Variants in CRYBG3 observed in about 807,000 individuals in gnomAD.
The protein encoded by CRYBG3 is crystallin beta-gamma domain containing 3.
A neutral mutation model predicts 244.2 loss-of-function variants in CRYBG3; 127 were observed. The observed-to-expected ratio is 0.52, with a 90% CI of 0.45 to 0.60. The LOEUF (loss-of-function observed/expected upper bound fraction) is 0.60. Among genes scored for constraint, CRYBG3 ranks in the 20% least tolerant of loss-of-function variants. The pLI is 0.00. For missense variants in CRYBG3, 3,325 were observed against 3,442.5 expected, an observed-to-expected ratio of 0.97 and a Z score of 0.85; for synonymous variants, 1,132 against 1,195.8, an observed-to-expected ratio of 0.95 and a Z score of 1.10.
At chr3:97,893,627 T>G (rs1420055464) in intron 11 of CRYBG3, among the ~76,000 whole-genome samples, 1 of 152,236 alleles carries the variant, frequency 6.6e-6, no homozygotes, top group African/African-American at 2.4e-5. Context: ...AAGAAGAAAC[T>G]GTCCTCATTG....
chr3:97,850,183 C>T (rs973508855), intron 2 of CRYBG3, among the ~76,000 whole-genome samples: 2 of 152,122 alleles, frequency 1.3e-5, no homozygotes, highest in Non-Finnish European at 2.9e-5. Context: ...AGTGTTTTAT[C>T]TCCCTTCCCA....
intron 15 of CRYBG3, among the ~76,000 whole-genome samples, chr3:97,910,349 G>C (rs979439154): frequency 4.6e-5 from 7 of 152,278 alleles, no homozygotes; most frequent in East Asian, 3.9e-4. Flanking sequence ...CCCCCAGCCT[G>C]GCTGCCGCCT....
intron 13 of CRYBG3, 41 bp from the exon 14 acceptor site, chr3:97,899,096 A>G: frequency 6.2e-7 from 1 of 1,600,338 alleles, no homozygotes; most frequent in Non-Finnish European, 8.5e-7. Flanking sequence ...ATTGTATATC[A>G]CTTGTTTTTA....
intron 15 of CRYBG3, among the ~76,000 whole-genome samples, chr3:97,911,371 T>C (rs2108250152): frequency 6.6e-6 from 1 of 152,288 alleles, no homozygotes; most frequent in East Asian, 1.9e-4. Context: ...TCATTCCTAT[T>C]GTAGATTCAA....
chr3:97,932,945 A>T (rs779233829), intron 17 of CRYBG3, among the ~76,000 whole-genome samples: 3 of 152,036 alleles, frequency 2.0e-5, no homozygotes, highest in African/African-American at 7.2e-5. Context: ...CTAGCTTTCT[A>T]CTGAGGACTC....
chr3:97,890,660 T>C (rs1442119698), intron 10 of CRYBG3, among the ~76,000 whole-genome samples: 2 of 152,200 alleles, frequency 1.3e-5, no homozygotes, highest in Admixed American at 6.6e-5. Context: ...ATTGGTACTA[T>C]ATATTGTTTC....
At chr3:97,825,370 T>C (rs1054059726) in intron 1 of CRYBG3, among the ~76,000 whole-genome samples, 1 of 152,222 alleles carries the variant, frequency 6.6e-6, no homozygotes, top group Non-Finnish European at 1.5e-5. Flanking sequence ...GCAATGTTTG[T>C]AACTGTGAAG....
At chr3:97,918,930 C>T (rs1462153932) in intron 17 of CRYBG3, among the ~76,000 whole-genome samples, 3 of 152,126 alleles carry the variant, frequency 2.0e-5, no homozygotes, top group Non-Finnish European at 4.4e-5. Context: ...ATTCTGTTTC[C>T]AAAAGCAAGT....
At chr3:97,896,603 G>A (rs12631811) in intron 12 of CRYBG3, among the ~76,000 whole-genome samples, 1 of 152,216 alleles carries the variant, frequency 6.6e-6, no homozygotes, top group African/African-American at 2.4e-5. Context: ...TGCCTGTTTA[G>A]CAAGAGATTA....
rs1476595709 is a variant in CRYBG3, at chr3:97,874,061, T to C, written c.2867T>C (p.Met956Thr). Reference protein sequence around the residue: ...PIHDEKISRQMAQNCEAHTCV... With the variant: ...PIHDEKISRQTAQNCEAHTCV... ...CATGATGAAAAAATCAGTAGGCAAA[T>C]GGCGCAGAATTGTGAAGCTCACACT... is the stretch of plus-strand genomic sequence containing the variant. The change falls in exon 4 of 22, where the codon ATG becomes ACG. Residue 956 changes from methionine to threonine, a missense_variant. Physicochemically the swap from Met to Thr is moderately conservative, Grantham distance 81. Coordinates refer to ENST00000389622, the MANE Select transcript of CRYBG3 (RefSeq NM_153605.4). The C allele has an allele frequency of 2.0e-6, 3 of 1,535,862 alleles. No individual in the cohort carries two copies. The highest frequency in any genetic ancestry group is 2.0e-5 in the Admixed American group (1 of 50,962).
At chr3:97,834,417 G>T (rs1506442) in intron 1 of CRYBG3, among the ~76,000 whole-genome samples, 115,810 of 152,088 alleles carry the variant, frequency 0.76, 44,599 homozygotes, top group East Asian at 0.85. Flanking sequence ...AGAAGATATA[G>T]TAGAAATTTT....
At chr3:97,900,885 C>A (rs2108240765) in intron 15 of CRYBG3, among the ~76,000 whole-genome samples, 1 of 152,252 alleles carries the variant, frequency 6.6e-6, no homozygotes, top group Admixed American at 6.5e-5. Flanking sequence ...TTTCTAATAC[C>A]TATAATCAAA....
intron 7 of CRYBG3, among the ~76,000 whole-genome samples, chr3:97,883,989 A>G (rs1252443166): frequency 2.0e-5 from 3 of 152,200 alleles, no homozygotes; most frequent in East Asian, 3.8e-4. Context: ...TTCACTTTAG[A>G]GTACACCACC....
At position 97,875,406 on chromosome 3, in the gene CRYBG3, C is replaced by A; in HGVS notation, c.4212C>A (p.Ser1404=). Reference sequence around the variant, plus strand: ...GAGAAATTGTTCTCTACCAAAAATCCCTATTTTCTGGAAATGGATCTGGAC... The same window carrying A: ...GAGAAATTGTTCTCTACCAAAAATCACTATTTTCTGGAAATGGATCTGGAC... ...KGGEIVLYQK[S]LFSGNGSGLS... Residue 1404 remains serine (S), a synonymous_variant, in exon 4 of 22, where the codon TCC becomes TCA. Coordinates refer to ENST00000389622, the MANE Select transcript of CRYBG3 (RefSeq NM_153605.4). 3.6e-6 allele frequency: 5 copies of A among 1,407,556 alleles called. No homozygotes were observed. The highest frequency in any genetic ancestry group is 4.6e-6 in the Non-Finnish European group (5 of 1,089,080). The allele number at this position is 1,407,556 out of a possible 1,614,324, so 87.2% of individuals were successfully genotyped here. A position where few individuals can be genotyped will look rare whatever the true frequency, so the allele number is the denominator to read the frequency against.
chr3:97,833,593 T>C (rs575301916), intron 1 of CRYBG3, among the ~76,000 whole-genome samples: 1 of 152,078 alleles, frequency 6.6e-6, no homozygotes, highest in South Asian at 2.1e-4. Context: ...AGGGGAGGGA[T>C]AGCATTAGGA....
chr3:97,920,882 A>G (rs1397443662), intron 17 of CRYBG3, among the ~76,000 whole-genome samples: 1 of 152,146 alleles, frequency 6.6e-6, no homozygotes, highest in East Asian at 1.9e-4. Context: ...GTCATGACTA[A>G]GTTTAGAGCC....
chr3:97,826,427 C>A (rs770296048), intron 1 of CRYBG3, among the ~76,000 whole-genome samples: 2 of 151,790 alleles, frequency 1.3e-5, no homozygotes, highest in African/African-American at 4.8e-5. Flanking sequence ...CTCATAACAG[C>A]GGAAAATATG....
chr3:97,847,400 A>G (rs1050244771), intron 2 of CRYBG3, among the ~76,000 whole-genome samples: 3 of 152,232 alleles, frequency 2.0e-5, no homozygotes, highest in African/African-American at 7.2e-5. Flanking sequence ...CTTTGTGTGT[A>G]GTTGAAAAAA....
chr3:97,872,009 G>A lies in CRYBG3; in HGVS notation c.815G>A (p.Gly272Glu), dbSNP rs1391926339. Reference protein sequence around the residue: ...DSSTNRHIDPGSEIEAGVLPL... With the variant: ...DSSTNRHIDPESEIEAGVLPL... ...AGTACAAACAGACACATTGACCCTG[G>A]AAGTGAGATTGAGGCTGGGGTACTG... The change falls in exon 4 of 22, where the codon GGA (glycine) becomes GAA (glutamate). Residue 272 changes from glycine to glutamate, a missense_variant. Around this residue, in one of 4 missense-constraint regions of CRYBG3, gnomAD observed 1,526 missense variants for 1,443.2 expected, o/e 1.06. Transcript: ENST00000389622. 2.0e-6 allele frequency: 3 copies of A among 1,535,834 alleles called. No individual in the cohort carries two copies. The Admixed American group carries it at 5.9e-5, about 30-fold the overall frequency.
Sources: gnomAD v4.1 joint callset for allele counts (sites outside exome capture counted in the v4.1 genomes callset) on GRCh38, gnomAD v4.1.1 for gene constraint, gnomAD v4.1.1 regional missense constraint, MANE v1.5 for transcripts, NCBI Gene and HGNC (gene_info 2026-07-23, HGNC 2026-07-21) for gene names.